Variants in ITGA11 observed in about 807,000 individuals in gnomAD.
ITGA11 encodes integrin subunit alpha 11.
ITGA11 carries 97 observed loss-of-function variants against 141.9 expected under a neutral mutation model. The ratio of observed to expected loss-of-function variants is 0.68; its 90% confidence interval spans 0.58 to 0.81. The LOEUF (loss-of-function observed/expected upper bound fraction) is 0.81. Ranked by LOEUF, ITGA11 falls within the 30% of genes least tolerant of loss-of-function variation. The probability of loss-of-function intolerance (pLI) is 0.00; values close to 1 mark genes in which losing one functional copy is unlikely to be tolerated. For missense variants in ITGA11, 1,387 were observed against 1,559.2 expected, an observed-to-expected ratio of 0.89 and a Z score of 1.86; for synonymous variants, 658 against 624.6, an observed-to-expected ratio of 1.05 and a Z score of -0.80.
rs1181196927 is a variant in ITGA11, at chr15:68,299,718, C to T, written c.*3341G>A. On this transcript the variant is annotated 3_prime_UTR_variant, in exon 30 of 30. Transcript: ENST00000315757. The stretch of plus-strand genomic sequence containing the variant: ...CAGGGGACTGACTCAAGTCTAATGT[C>T]TTATTCTCAGACAGTATTGATGCTA... 1 of 152,188 alleles carries T rather than the reference C, an allele frequency of 6.6e-6. No homozygotes were observed. The highest frequency in any genetic ancestry group is 6.5e-5 in the Admixed American group (1 of 15,276). The allele number at this position is 152,188 out of a possible 1,614,324, so 9.4% of individuals were successfully genotyped here.
chr15:68,344,783 T>C (rs937483505), intron 10 of ITGA11, among the ~76,000 whole-genome samples: 2 of 152,156 alleles, frequency 1.3e-5, no homozygotes, highest in African/African-American at 4.8e-5. Flanking sequence ...ACCTCACCTT[T>C]AGGTACAAGA....
intron 8 of ITGA11, among the ~76,000 whole-genome samples, chr15:68,351,037 C>T (rs1894894670): frequency 6.6e-6 from 1 of 152,182 alleles, no homozygotes; most frequent in Non-Finnish European, 1.5e-5. Context: ...CAGACCCTCC[C>T]TGGCAATGGA....
At chr15:68,384,859 AC>A (rs1895945736) in intron 2 of ITGA11, among the ~76,000 whole-genome samples, 1 of 150,640 alleles carries the variant, frequency 6.6e-6, no homozygotes, top group African/African-American at 2.5e-5. Context: ...TTCCACAGCA[AC>A]AACCAAGGCT....
intron 21 of ITGA11, 50 bp downstream of exon 21, chr15:68,317,215 G>A (rs778777930): frequency 3.8e-6 from 5 of 1,313,150 alleles, no homozygotes; most frequent in South Asian, 1.2e-5. Flanking sequence ...AACTACCTGT[G>A]CCTCCCAGTG....
At chr15:68,332,136 G>C (rs978013632) in intron 13 of ITGA11, 74 bp from the exon 14 acceptor site, 6 of 1,350,162 alleles carry the variant, frequency 4.4e-6, no homozygotes. Context: ...CCCTCTGCAG[G>C]CTGCTCCGGC....
At chr15:68,392,831 A>G (rs1237995232) in intron 2 of ITGA11, among the ~76,000 whole-genome samples, 1 of 152,252 alleles carries the variant, frequency 6.6e-6, no homozygotes, top group Non-Finnish European at 1.5e-5. Context: ...CATCCACAAT[A>G]TTCACAATAT....
rs945888004 is a variant in ITGA11, at chr15:68,301,752, G to T, written c.*1307C>A. The T allele has an allele frequency of 5.2e-5, 8 of 152,598 alleles. No individual in the cohort carries two copies. Among genetic ancestry groups the T allele is most frequent in the African/African-American group, 1.9e-4 (8 of 41,434 alleles). 9.5% of individuals were successfully genotyped at this position (152,598 alleles called of 1,614,324 possible). The stretch of plus-strand genomic sequence containing the variant: ...AATTTTTCAAAAATACGACAGTAAA[G>T]GTCGTACTATGCACAGGGGGACTGA... On this transcript the variant is annotated 3_prime_UTR_variant, in exon 30 of 30. Coordinates refer to ENST00000315757, the MANE Select transcript of ITGA11 (RefSeq NM_001004439.2). The surrounding 1 kb of genome is among the most constrained non-coding windows in gnomAD (Gnocchi z 4.4).
At chr15:68,342,084 A>G (rs978850087) in intron 10 of ITGA11, among the ~76,000 whole-genome samples, 2 of 152,214 alleles carry the variant, frequency 1.3e-5, no homozygotes, top group African/African-American at 2.4e-5. Context: ...AGCAAGCCTT[A>G]GTATGTCACA....
intron 1 of ITGA11, among the ~76,000 whole-genome samples, chr15:68,430,964 T>A (rs960855882): frequency 1.3e-5 from 2 of 152,190 alleles, no homozygotes; most frequent in African/African-American, 4.8e-5. Context: ...TACCACCGCA[T>A]CTGACCCCCA....
rs1893859914 is a variant in ITGA11 at position 68,322,997 on chromosome 15, C to A, written c.2323-1494G>T. On this transcript the variant is annotated intron_variant, in intron 18 of 29. Transcript: ENST00000315757. This position sits in a 1 kb window ranked among gnomAD's most constrained non-coding sequence, Gnocchi z 5.6. Reference sequence around the variant, plus strand: ...CAAGCCTGGAGCTGAGGGGCAGTAACTGTCACTACCGACAACACAGCCCAA... The same window carrying A: ...CAAGCCTGGAGCTGAGGGGCAGTAAATGTCACTACCGACAACACAGCCCAA... Among the ~76,000 whole-genome samples the A allele has an allele frequency of 6.6e-6, 1 of 152,320 alleles. No homozygotes were observed. The highest frequency in any genetic ancestry group is 2.1e-4 in the South Asian group (1 of 4,828).
chr15:68,341,128 G>T (rs1270971989), intron 10 of ITGA11, among the ~76,000 whole-genome samples: 2 of 152,184 alleles, frequency 1.3e-5, no homozygotes, highest in African/African-American at 4.8e-5. Context: ...TGACTGTTCA[G>T]ACAGAATGTT....
intron 15 of ITGA11, among the ~76,000 whole-genome samples, chr15:68,329,082 T>A (rs949136291): frequency 3.9e-5 from 6 of 152,222 alleles, no homozygotes; most frequent in African/African-American, 1.4e-4. Flanking sequence ...AATACTCTGT[T>A]CTTCTTAGCA....
chr15:68,396,857 A>T (rs1172790120), intron 2 of ITGA11, among the ~76,000 whole-genome samples: 1 of 136,064 alleles, frequency 7.3e-6, no homozygotes, highest in East Asian at 2.0e-4. Flanking sequence ...TATAAAATAT[A>T]AACACAAATA....
intron 2 of ITGA11, among the ~76,000 whole-genome samples, chr15:68,383,002 T>A (rs1019576043): frequency 4.6e-5 from 7 of 152,150 alleles, no homozygotes; most frequent in Admixed American, 4.6e-4. Flanking sequence ...CCAGGCGTGG[T>A]GGCTCACGCC....
chr15:68,396,182 T>C (rs2140397690), intron 2 of ITGA11, among the ~76,000 whole-genome samples: 1 of 152,132 alleles, frequency 6.6e-6, no homozygotes, highest in South Asian at 2.1e-4. Context: ...CATGGGAGAA[T>C]ACGTGGTGAC....
rs72745251 is a variant in ITGA11, at chr15:68,377,070, T to A, written c.165-7786A>T. Among the ~76,000 whole-genome samples the A allele has an allele frequency of 6.5e-3, 995 of 152,334 alleles. 2 individuals are homozygous for A. The highest frequency in any genetic ancestry group is 0.011 in the Admixed American group (163 of 15,302). On this transcript the variant is annotated intron_variant, in intron 2 of 29. Transcript: ENST00000315757. ...TCATGACCACAGCCATCTCTGACCA[T>A]CTAGCGCACCCAGATTGATTTTATC...
intron 28 of ITGA11, among the ~76,000 whole-genome samples, chr15:68,306,153 G>A (rs973754513): frequency 4.7e-5 from 7 of 149,330 alleles, no homozygotes; most frequent in African/African-American, 5.0e-5. Context: ...TCCTGCCAAC[G>A]CACTCTAGCC....
intron 1 of ITGA11, among the ~76,000 whole-genome samples, chr15:68,421,706 G>C (rs1300711388): frequency 1.5e-5 from 2 of 136,484 alleles, no homozygotes; most frequent in Admixed American, 7.4e-5. Flanking sequence ...CAGCCTGGGT[G>C]GGGGGTGGGG....
intron 12 of ITGA11, 89 bp from the exon 13 acceptor site, chr15:68,332,567 G>A: frequency 6.9e-7 from 1 of 1,455,446 alleles, no homozygotes; most frequent in African/African-American, 1.4e-5. Context: ...GGAAGCCAAG[G>A]TCATCCTTTG....
Sources: gnomAD v4.1 joint callset for allele counts (sites outside exome capture counted in the v4.1 genomes callset) on GRCh38, gnomAD v4.1.1 for gene constraint, Gnocchi (gnomAD v3.1) non-coding constraint, MANE v1.5 for transcripts, NCBI Gene and HGNC (gene_info 2026-07-23, HGNC 2026-07-21) for gene names.